The following VWA5A variants were observed in gnomAD, a reference collection of about 807,000 sequenced individuals.
VWA5A encodes the protein von Willebrand factor A domain-containing protein 5A.
In VWA5A, 77 loss-of-function variants were observed where a neutral mutation model predicts 84.6. The ratio of observed to expected loss-of-function variants is 0.91; its 90% confidence interval spans 0.76 to 1.10. The LOEUF is 1.10. VWA5A is among the 50% of genes least tolerant of loss of function. VWA5A has a pLI of 0.00. For synonymous variants in VWA5A, 334 were observed against 350.1 expected (o/e 0.95, Z 0.51); for missense variants, 973 against 963.0 (o/e 1.01, Z -0.14).
rs758203430 is a variant in VWA5A, at chr11:124,117,747, G to A, written c.118G>A (p.Glu40Lys). 117 of 1,614,166 alleles carry A rather than the reference G, an allele frequency of 7.2e-5. No individual in the cohort carries two copies. Among genetic ancestry groups the A allele is most frequent in the Non-Finnish European group, 9.2e-5 (108 of 1,180,036 alleles). Reference protein sequence around the residue: ...VAGVSATLNYENEEKVPLEAF... With the variant: ...VAGVSATLNYKNEEKVPLEAF... ...TGGTGTGTCTGCAACTTTGAACTAC[G>A]AGAATGAGGAGAAAGTTCCTTTGGA... Residue 40 changes from glutamate (E) to lysine (K), a missense_variant, in exon 4 of 19, where the codon GAG (glutamate) becomes AAG (lysine). Transcript: ENST00000456829.
At chr11:124,124,387 G>A in intron 11 of VWA5A, 71 bp downstream of exon 11, 2 of 1,556,368 alleles carry the variant, frequency 1.3e-6, no homozygotes, top group Non-Finnish European at 8.7e-7. Flanking sequence ...GCTACATGAT[G>A]CCGGTGTTGA....
chr11:124,136,266 C>G lies in VWA5A; in HGVS notation c.1497C>G (p.Ser499Arg), dbSNP rs764060668. The change falls in exon 13 of 19, where the codon AGC (serine) becomes AGG (arginine). Residue 499 changes from serine to arginine, a missense_variant. Transcript: ENST00000456829. ...TVIFRGQRLI[S>R]YAQLTGRMPA... ...TCTTTAGGGGTCAGAGATTAATCAGCTATGCCCAGCTGACCGGGAGGATGC... is the reference window on the plus strand; with the variant it reads ...TCTTTAGGGGTCAGAGATTAATCAGGTATGCCCAGCTGACCGGGAGGATGC... 22 of 1,613,716 alleles carry G rather than the reference C, an allele frequency of 1.4e-5. No individual in the cohort carries two copies. Among genetic ancestry groups the G allele is most frequent in the Non-Finnish European group, 1.8e-5 (21 of 1,179,766 alleles).
At position 124,136,111 on chromosome 11, in the gene VWA5A, T is replaced by A; in HGVS notation, c.1360-18T>A. The stretch of plus-strand genomic sequence containing the variant: ...GTCTGTATCATTTGTGTTTATTCTG[T>A]TCTCTTCCCCACATTAGGCTCTCAG... On this transcript the variant is annotated intron_variant, in intron 12 of 18. Transcript: ENST00000456829. 6.2e-7 allele frequency: 1 copy of A among 1,612,106 alleles called. No homozygotes were observed. Among genetic ancestry groups the A allele is most frequent in the Non-Finnish European group, 8.5e-7 (1 of 1,178,602 alleles).
chr11:124,116,867 T>G (rs997334490), intron 2 of VWA5A, among the ~76,000 whole-genome samples, 187 bp downstream of exon 2: 1 of 152,214 alleles, frequency 6.6e-6, no homozygotes, highest in Non-Finnish European at 1.5e-5. Context: ...TCTTTTAATT[T>G]TGGGTCCCAA....
chr11:124,141,446 G>T (rs981090711), intron 15 of VWA5A, 152 bp from the exon 16 acceptor site: 5 of 878,256 alleles, frequency 5.7e-6, no homozygotes, highest in Non-Finnish European at 8.5e-6. Context: ...GAGGGTTTGC[G>T]CAGGAGGTGG....
intron 11 of VWA5A, among the ~76,000 whole-genome samples, chr11:124,129,172 T>G (rs1865061708): frequency 1.3e-5 from 2 of 152,234 alleles, no homozygotes; most frequent in Admixed American, 6.5e-5. Context: ...CCTAGTTTAT[T>G]GAGAGTTCTT....
Position 124,140,369 on chromosome 11 carries a change from C to T in VWA5A, c.1880-1229C>T, listed in dbSNP as rs563832502. ...GGAAAAAAAGTAGAGAAGTCAAGAA[C>T]TTAGTAGTCCAGATGAGGTCAAAGA... On this transcript the variant is annotated intron_variant, in intron 15 of 18. Coordinates refer to ENST00000456829, the MANE Select transcript of VWA5A (RefSeq NM_001130142.2). Among the ~76,000 whole-genome samples, 10 of 152,176 alleles carry T rather than the reference C, an allele frequency of 6.6e-5. No homozygotes were observed. In the South Asian group the frequency reaches 2.1e-3, roughly 32 times the overall value.
intron 7 of VWA5A, among the ~76,000 whole-genome samples, chr11:124,120,212 A>G (rs910898472): frequency 6.6e-6 from 1 of 152,050 alleles, no homozygotes; most frequent in African/African-American, 2.4e-5. Context: ...TTTAATGTTT[A>G]TTACTTTTGA....
chr11:124,138,450 G>A (rs576979362), intron 15 of VWA5A, among the ~76,000 whole-genome samples: 2 of 152,042 alleles, frequency 1.3e-5, no homozygotes, highest in Non-Finnish European at 2.9e-5. Context: ...ACCAGTACTT[G>A]TTATCTTTTG....
rs185415238 is a variant in VWA5A, at chr11:124,141,508, A to T, written c.1880-90A>T. 3.8e-3 allele frequency: 5,815 copies of T among 1,521,236 alleles called. 18 individuals carry two copies. Among genetic ancestry groups the T allele is most frequent in the Non-Finnish European group, 4.5e-3 (5,044 of 1,121,362 alleles). The allele number at this position is 1,521,236 out of a possible 1,614,324, so 94.2% of individuals were successfully genotyped here. On this transcript the variant is annotated intron_variant, in intron 15 of 18. Transcript: ENST00000456829. ...AGGGTGGTGACTGAAGCCAGTGTGGATGGGGGGGTATGTATCTTGAATTGT... is the reference window on the plus strand; with the variant it reads ...AGGGTGGTGACTGAAGCCAGTGTGGTTGGGGGGGTATGTATCTTGAATTGT...
At chr11:124,136,553 C>T (rs956872721) in intron 13 of VWA5A, 21 bp from the exon 14 acceptor site, 20 of 1,607,732 alleles carry the variant, frequency 1.2e-5, no homozygotes, top group Non-Finnish European at 1.7e-5. Flanking sequence ...TCCGTCATTT[C>T]TACTCATCTC....
chr11:124,118,247 G>T lies in VWA5A; in HGVS notation c.305G>T (p.Gly102Val). ...GGCCACCAGGCCTTCTTATTGGAGG[G>T]GGACAGCAGCTCCAGGGATGTCTTC... ...SQGHQAFLLE[G>V]DSSSRDVFSC... The change falls in exon 5 of 19, where the codon GGG becomes GTG. Residue 102 changes from glycine to valine, a missense_variant. Gly to Val is a moderately radical substitution (Grantham distance 109, BLOSUM62 -3). Coordinates refer to ENST00000456829, the MANE Select transcript of VWA5A (RefSeq NM_001130142.2). The T allele has an allele frequency of 6.2e-7, 1 of 1,614,192 alleles. No homozygotes were observed. Among genetic ancestry groups the T allele is most frequent in the Non-Finnish European group, 8.5e-7 (1 of 1,180,038 alleles).
intron 12 of VWA5A, among the ~76,000 whole-genome samples, chr11:124,135,752 G>C (rs1012314775): frequency 1.3e-5 from 2 of 151,194 alleles, no homozygotes; most frequent in Non-Finnish European, 3.0e-5. Context: ...GGATGGTCTC[G>C]ATCTCCTGAC....
chr11:124,142,423 C>T lies in VWA5A; in HGVS notation c.2024-19C>T. ...TAGCTCCACAATTTCTCATTCTTCT[C>T]TTTTCTTTCTCCTCAAAGGCTTTGG... On this transcript the variant is annotated intron_variant, in intron 16 of 18. Transcript: ENST00000456829. 6.2e-7 allele frequency: 1 copy of T among 1,613,294 alleles called. No homozygotes were observed. The highest frequency in any genetic ancestry group is 8.5e-7 in the Non-Finnish European group (1 of 1,179,612).
chr11:124,145,898 A>G lies in VWA5A; in HGVS notation c.2314A>G (p.Ile772Val), dbSNP rs771989704. 9 of 1,588,600 alleles carry G rather than the reference A, an allele frequency of 5.7e-6. No individual in the cohort carries two copies. Among genetic ancestry groups the G allele is most frequent in the South Asian group, 2.3e-5 (2 of 87,818 alleles). Residue 772 changes from isoleucine to valine, a missense_variant, in exon 19 of 19, where the codon ATT (isoleucine) becomes GTT (valine). Transcript: ENST00000456829. The part of the protein sequence containing the change: ...STMPSVVKAA[I>V]TFLKSSVDPA... ...CATGCCTTCGGTTGTGAAAGCTGCT[A>G]TTACTTTCCTGAAGTCATCTGTGGA...
chr11:124,115,698 G>A (rs1864816531), intron 1 of VWA5A: 1 of 152,202 alleles, frequency 6.6e-6, no homozygotes, highest in African/African-American at 2.4e-5. Context: ...GGTTGAAGGA[G>A]GGATTTAGCC....
intron 16 of VWA5A, 129 bp downstream of exon 16, chr11:124,141,870 A>T (rs571380377): frequency 1.6e-6 from 2 of 1,283,432 alleles, no homozygotes; most frequent in African/African-American, 1.5e-5. Context: ...CCCCCCATGC[A>T]TTGGAAAAGA....
At chr11:124,141,794 C>A (rs1860733068) in intron 16 of VWA5A, 53 bp downstream of exon 16, 2 of 1,577,860 alleles carry the variant, frequency 1.3e-6, no homozygotes, top group Non-Finnish European at 1.7e-6. Flanking sequence ...GTCACATATA[C>A]AGGACTAGGC....
chr11:124,120,171 G>C, intron 7 of VWA5A, among the ~76,000 whole-genome samples: 1 of 152,044 alleles, frequency 6.6e-6, no homozygotes. Flanking sequence ...ACTAAGTTTA[G>C]CTTCTTAATA....
Sources: allele counts gnomAD v4.1 joint callset (sites outside exome capture counted in the v4.1 genomes callset), GRCh38; gene constraint gnomAD v4.1.1; transcripts MANE v1.5; gene names NCBI Gene and HGNC (gene_info 2026-07-23, HGNC 2026-07-21).